The following TEK variants were observed in gnomAD, a reference collection of about 807,000 sequenced individuals.
TEK encodes the protein angiopoietin-1 receptor.
Under a neutral mutation model 131.8 loss-of-function variants are expected in TEK, and 43 were observed. That is an observed-to-expected ratio of 0.33 (90% CI 0.26 to 0.42). The LOEUF is 0.42. Among genes scored for constraint, TEK ranks in the 10% least tolerant of loss-of-function variants. The probability of loss-of-function intolerance (pLI) is 1.00; values close to 1 mark genes in which losing one functional copy is unlikely to be tolerated. For synonymous variants in TEK, 580 were observed against 491.6 expected, an observed-to-expected ratio of 1.18 and a Z score of -2.38; for missense variants, 1,162 against 1,384.4, an observed-to-expected ratio of 0.84 and a Z score of 2.55.
At chr9:27,134,100 C>A (rs148552145) in intron 1 of TEK, among the ~76,000 whole-genome samples, 2 of 152,192 alleles carry the variant, frequency 1.3e-5, no homozygotes, top group African/African-American at 2.4e-5. Context: ...ATGCTTAGAT[C>A]GAAGGTTTGA....
chr9:27,137,227 C>G (rs567509523), intron 1 of TEK, among the ~76,000 whole-genome samples: 2 of 147,186 alleles, frequency 1.4e-5, no homozygotes, highest in Admixed American at 6.8e-5. Context: ...CTAAATCTAT[C>G]TTTTGATAAA....
At chr9:27,194,912 G>A (rs918767744) in intron 11 of TEK, among the ~76,000 whole-genome samples, 3 of 152,114 alleles carry the variant, frequency 2.0e-5, no homozygotes, top group Non-Finnish European at 4.4e-5. Context: ...TGAACATAGT[G>A]CAGAAAGGGG....
At chr9:27,221,184 G>A (rs12343425) in intron 21 of TEK, among the ~76,000 whole-genome samples, 6,867 of 152,214 alleles carry the variant, frequency 0.045, 188 homozygotes, top group African/African-American at 0.067. Flanking sequence ...GCCCACCGCC[G>A]CTCCTCAAAG....
At chr9:27,117,050 A>G (rs555890239) in intron 1 of TEK, among the ~76,000 whole-genome samples, 36 of 151,650 alleles carry the variant, frequency 2.4e-4, no homozygotes, top group Non-Finnish European at 3.1e-4. Context: ...AATTTTTAGT[A>G]GAGACGTGGT....
At chr9:27,213,085 GC>G (rs1428128917) in intron 17 of TEK, among the ~76,000 whole-genome samples, 188 bp downstream of exon 17, 1 of 151,892 alleles carries the variant, frequency 6.6e-6, no homozygotes, top group African/African-American at 2.4e-5. Context: ...TGTTTATCTA[GC>G]AATTTTCATA....
At chr9:27,225,181 C>T (rs747816854) in intron 21 of TEK, among the ~76,000 whole-genome samples, 32 of 150,900 alleles carry the variant, frequency 2.1e-4, no homozygotes, top group Non-Finnish European at 6.0e-5. Flanking sequence ...GGCCACACTG[C>T]CCAGTGTTAT....
Position 27,197,592 on chromosome 9 carries a change from T to G in TEK, c.1902T>G (p.Leu634=). 1 of 1,613,852 alleles carries G rather than the reference T, an allele frequency of 6.2e-7. No homozygotes were observed. Among genetic ancestry groups the G allele is most frequent in the Non-Finnish European group, 8.5e-7 (1 of 1,179,952 alleles). ...EWSEDLTAWT[L]SDILPPQPEN... ...GTGAAGATCTCACTGCTTGGACCCT[T>G]AGTGACAGTAAGTAATTCATGCTGC... The change falls in exon 12 of 23, where the codon CTT becomes CTG. Residue 634 remains leucine (L), a synonymous_variant. Coordinates refer to ENST00000380036, the MANE Select transcript of TEK (RefSeq NM_000459.5).
chr9:27,179,941 C>T (rs1824300314), intron 6 of TEK, among the ~76,000 whole-genome samples: 1 of 152,128 alleles, frequency 6.6e-6, no homozygotes, highest in African/African-American at 2.4e-5. Flanking sequence ...TTCAATTCCC[C>T]TCCAGAATCT....
chr9:27,138,226 G>A (rs972270208), intron 1 of TEK, among the ~76,000 whole-genome samples: 4 of 152,234 alleles, frequency 2.6e-5, no homozygotes, highest in South Asian at 2.1e-4. Context: ...AGTGTGGAAG[G>A]GGATCTGAGC....
intron 21 of TEK, among the ~76,000 whole-genome samples, chr9:27,224,904 CAA>C (rs1396283347): frequency 1.1e-4 from 16 of 152,324 alleles, no homozygotes; most frequent in African/African-American, 3.4e-4. Context: ...GCAACTTCAG[CAA>C]AGTCTCAGGA....
chr9:27,183,774 T>G (rs1824488835), intron 8 of TEK, among the ~76,000 whole-genome samples, 164 bp downstream of exon 8: 2 of 152,212 alleles, frequency 1.3e-5, no homozygotes, highest in South Asian at 4.1e-4. Flanking sequence ...ACTGACTCAC[T>G]GCAGCCTCAC....
intron 21 of TEK, among the ~76,000 whole-genome samples, chr9:27,224,000 A>G (rs1826198434): frequency 6.6e-6 from 1 of 152,246 alleles, no homozygotes; most frequent in Admixed American, 6.5e-5. Flanking sequence ...CAAATAAACT[A>G]GAACATCTAG....
intron 6 of TEK, among the ~76,000 whole-genome samples, chr9:27,176,864 C>G (rs1824189814): frequency 6.6e-6 from 1 of 152,222 alleles, no homozygotes; most frequent in Non-Finnish European, 1.5e-5. Flanking sequence ...CCTGTAGTCC[C>G]TGGGAACCAC....
intron 1 of TEK, among the ~76,000 whole-genome samples, chr9:27,143,773 A>G (rs1056636143): frequency 3.3e-5 from 5 of 152,154 alleles, no homozygotes; most frequent in African/African-American, 9.7e-5. Flanking sequence ...GCTGCTGTAT[A>G]TAGGATCATG....
chr9:27,128,402 A>G (rs1822076267), intron 1 of TEK, among the ~76,000 whole-genome samples: 1 of 152,194 alleles, frequency 6.6e-6, no homozygotes, highest in Non-Finnish European at 1.5e-5. Flanking sequence ...GTTTGAAGTC[A>G]GGTAGCTTGA....
chr9:27,167,144 C>T (rs1823759746), intron 2 of TEK, among the ~76,000 whole-genome samples: 1 of 152,188 alleles, frequency 6.6e-6, no homozygotes. Context: ...ATTCCCATAT[C>T]TTGTCCAATA....
chr9:27,116,450 G>A (rs924425048), intron 1 of TEK, among the ~76,000 whole-genome samples: 18 of 151,916 alleles, frequency 1.2e-4, no homozygotes, highest in South Asian at 4.2e-4. Flanking sequence ...CACCACACCC[G>A]GCTAATTTTT....
chr9:27,194,616 A>T (rs563091896), intron 11 of TEK, among the ~76,000 whole-genome samples: 3 of 152,242 alleles, frequency 2.0e-5, no homozygotes, highest in African/African-American at 4.8e-5. Flanking sequence ...GCATAAACTG[A>T]CTCAGATGGA....
chr9:27,173,401 G>A lies in TEK; in HGVS notation c.901+39G>A, dbSNP rs201112240. The A allele has an allele frequency of 1.7e-5, 28 of 1,613,072 alleles. No homozygotes were observed. In the East Asian group the frequency reaches 2.0e-4, roughly 12 times the overall value. ...ACACCCTTGGACAGAGGATGTTCTA[G>A]CAGGTATATAAAGGAGATCCAGTTT... On this transcript the variant is annotated intron_variant, in intron 6 of 22. Coordinates refer to ENST00000380036, the MANE Select transcript of TEK (RefSeq NM_000459.5).
Sources: allele counts gnomAD v4.1 joint callset (sites outside exome capture counted in the v4.1 genomes callset), GRCh38; gene constraint gnomAD v4.1.1; transcripts MANE v1.5; gene names NCBI Gene and HGNC (gene_info 2026-07-23, HGNC 2026-07-21).